TEX29: variants seen among roughly 807,000 people sequenced by gnomAD.
The protein encoded by TEX29 is testis-expressed protein 29.
Under a neutral mutation model 18.2 loss-of-function variants are expected in TEX29, and 26 were observed. That is an observed-to-expected ratio of 1.43 (90% CI 1.04 to 1.98). The LOEUF (loss-of-function observed/expected upper bound fraction) is 1.98, where lower values mean the gene tolerates loss of function less well. TEX29 is among the 30% of genes most tolerant of loss of function. The pLI is 0.00. For missense variants in TEX29, 177 were observed against 194.2 expected (o/e 0.91, Z 0.53); for synonymous variants, 83 against 78.5 (o/e 1.06, Z -0.31).
intron 2 of TEX29, among the ~76,000 whole-genome samples, chr13:111,324,399 G>T (rs930514645): frequency 6.6e-6 from 1 of 152,254 alleles, no homozygotes; most frequent in Non-Finnish European, 1.5e-5. Context: ...AGTGCTGGAA[G>T]CCTCCACGGT....
chr13:111,319,276 C>T (rs2477467), upstream of TEX29, among the ~76,000 whole-genome samples: 42,864 of 152,006 alleles, frequency 0.28, 6,949 homozygotes, highest in East Asian at 0.81. Context: ...ATTGAGTGTT[C>T]CCAACAGCAT....
intron 2 of TEX29, among the ~76,000 whole-genome samples, chr13:111,327,252 G>A (rs570494186): frequency 5.0e-4 from 76 of 152,360 alleles, no homozygotes; most frequent in East Asian, 1.9e-4. Context: ...GGCTGCAGCC[G>A]CAGCATTTGC....
At chr13:111,338,398 C>T (rs938008871) in intron 3 of TEX29, among the ~76,000 whole-genome samples, 20 of 152,118 alleles carry the variant, frequency 1.3e-4, no homozygotes, top group Non-Finnish European at 2.2e-4. Flanking sequence ...GGACCCTTCC[C>T]GGGAGCCTTT....
rs748585504 is a variant in TEX29 at position 111,320,997 on chromosome 13, G to C, written c.58+49G>C. 10 of 1,072,710 alleles carry C rather than the reference G, an allele frequency of 9.3e-6. No homozygotes were observed. The South Asian group carries it at 1.2e-4, about 13-fold the overall frequency. 66.4% of individuals were successfully genotyped at this position (1,072,710 alleles called of 1,614,324 possible). On this transcript the variant is annotated intron_variant, in intron 2 of 5. Coordinates refer to ENST00000283547, the MANE Select transcript of TEX29 (RefSeq NM_152324.3). ...GGCGGGTGGGGTGGGGGAGCAGTTG[G>C]GGGGGGGCACAGGGAGGAGCTGTTT...
chr13:111,339,493 G>T (rs1244139934), intron 3 of TEX29: 1 of 402,792 alleles, frequency 2.5e-6, no homozygotes, highest in Non-Finnish European at 4.8e-6. Context: ...AGCCAGCGCC[G>T]TCTCTCAATG....
intron 4 of TEX29, among the ~76,000 whole-genome samples, 180 bp from the exon 5 acceptor site, chr13:111,342,576 A>AAAAG (rs1555412713): frequency 1.3e-4 from 19 of 149,892 alleles, no homozygotes; most frequent in African/African-American, 4.5e-4. Context: ...AAAAAAAAAA[A>AAAAG]AGAGAGAGAG....
chr13:111,328,306 C>CACGGGGTGG lies in TEX29; in HGVS notation c.169+13_169+14insACGGGGTGG. 1 of 1,594,208 alleles carries CACGGGGTGG rather than the reference C, an allele frequency of 6.3e-7. No individual in the cohort carries two copies. The highest frequency in any genetic ancestry group is 8.6e-7 in the Non-Finnish European group (1 of 1,163,218). On this transcript the variant is annotated intron_variant, in intron 3 of 5. Transcript: ENST00000283547. ...AAAGCGGTTCCCAGTGAGTAGACGC[C>CACGGGGTGG]CCGGCCACCCCGTGGCGGAAGCCGA... is the stretch of plus-strand genomic sequence containing the variant.
upstream of TEX29, among the ~76,000 whole-genome samples, chr13:111,319,256 A>G (rs1182953154): frequency 6.6e-6 from 1 of 152,224 alleles, no homozygotes; most frequent in Non-Finnish European, 1.5e-5. Flanking sequence ...ACGTCCACAC[A>G]GAAACTTACA....
chr13:111,335,672 A>G (rs2093688605), intron 3 of TEX29, among the ~76,000 whole-genome samples: 1 of 152,240 alleles, frequency 6.6e-6, no homozygotes, highest in Admixed American at 6.5e-5. Context: ...GAAGTGTACC[A>G]TGTAAGGCTC....
In TEX29 at chr13:111,341,748, C is replaced by T. The variant is rs1190401977; in HGVS notation, c.240-1008C>T. ...AATCATAACCCGTGTTTAGTGAGCACCTGTGCTTGTTGATGAACATCATAA... is the reference window on the plus strand; with the variant it reads ...AATCATAACCCGTGTTTAGTGAGCATCTGTGCTTGTTGATGAACATCATAA... On this transcript the variant is annotated intron_variant, in intron 4 of 5. Transcript: ENST00000283547. Among the ~76,000 whole-genome samples, 193 of 151,764 alleles carry T rather than the reference C, an allele frequency of 1.3e-3. 3 individuals are homozygous for T. Among genetic ancestry groups the T allele is most frequent in the Non-Finnish European group, 1.9e-4 (13 of 67,990 alleles).
At chr13:111,328,091 C>G (rs932661884) in intron 2 of TEX29, 92 bp from the exon 3 acceptor site, 9 of 775,672 alleles carry the variant, frequency 1.2e-5, no homozygotes, top group Non-Finnish European at 2.0e-5. Context: ...AAACCCACAG[C>G]TGCTCCCCAC....
chr13:111,334,861 T>C (rs1401975016), intron 3 of TEX29, among the ~76,000 whole-genome samples: 2 of 152,180 alleles, frequency 1.3e-5, no homozygotes, highest in East Asian at 3.9e-4. Flanking sequence ...TTGAAGGAGG[T>C]CCCACCCTGT....
At chr13:111,337,426 A>G (rs1260144691) in intron 3 of TEX29, among the ~76,000 whole-genome samples, 1 of 152,068 alleles carries the variant, frequency 6.6e-6, no homozygotes, top group Admixed American at 6.6e-5. Flanking sequence ...ACCAGATGTT[A>G]TAGGAGGCCT....
At chr13:111,316,238 G>C, upstream of TEX29, 1 of 506,368 alleles carries the variant, frequency 2.0e-6, no homozygotes, top group Non-Finnish European at 3.9e-6. Context: ...AGGAAGACAG[G>C]AAGTAACAGT....
At chr13:111,344,039 AATATTCCAT>A in intron 5 of TEX29, 35 bp from the exon 6 acceptor site, 1 of 1,514,232 alleles carries the variant, frequency 6.6e-7, no homozygotes, top group Non-Finnish European at 9.2e-7. Flanking sequence ...GGGACTGCTG[AATATTCCAT>A]TTGAAAAAAC....
intron 2 of TEX29, among the ~76,000 whole-genome samples, chr13:111,323,017 C>T (rs1350628125): frequency 6.6e-6 from 1 of 152,246 alleles, no homozygotes; most frequent in African/African-American, 2.4e-5. Context: ...TTCCTCCTGT[C>T]CTTCTCTGCG....
upstream of TEX29, among the ~76,000 whole-genome samples, chr13:111,317,980 A>G (rs945286648): frequency 6.6e-6 from 1 of 152,144 alleles, no homozygotes; most frequent in Non-Finnish European, 1.5e-5. Context: ...GCTCGATTAC[A>G]TCGGCAAAGA....
chr13:111,319,614 G>A (rs566678872), upstream of TEX29, among the ~76,000 whole-genome samples: 135 of 152,134 alleles, frequency 8.9e-4, no homozygotes, highest in Non-Finnish European at 1.5e-3. Flanking sequence ...CATCCAAGCC[G>A]TCCGCCACTC....
chr13:111,336,721 T>G (rs938261714), intron 3 of TEX29, among the ~76,000 whole-genome samples: 2 of 152,264 alleles, frequency 1.3e-5, no homozygotes, highest in Admixed American at 6.5e-5. Flanking sequence ...AAAATAATCC[T>G]TTCTTCAATT....
Sources: gnomAD v4.1 joint callset for allele counts (sites outside exome capture counted in the v4.1 genomes callset) on GRCh38, gnomAD v4.1.1 for gene constraint, MANE v1.5 for transcripts, NCBI Gene and HGNC (gene_info 2026-07-23, HGNC 2026-07-21) for gene names.